TRADD: variants seen among roughly 807,000 people sequenced by gnomAD.
TRADD encodes TNFRSF1A associated via death domain, also known as tumor necrosis factor receptor type 1-associated DEATH domain protein.
In TRADD, 14 loss-of-function variants were observed where a neutral mutation model predicts 31.5. The ratio of observed to expected loss-of-function variants is 0.44; its 90% confidence interval spans 0.29 to 0.69. TRADD has a LOEUF of 0.69. TRADD is among the 30% of genes least tolerant of loss of function. The pLI, the probability that TRADD is intolerant of heterozygous loss-of-function variation, is 0.11. For missense variants in TRADD, 388 were observed against 435.7 expected (o/e 0.89, Z 0.97); for synonymous variants, 220 against 215.8 (o/e 1.02, Z -0.17).
In TRADD at chr16:67,155,204, C is replaced by T; in HGVS notation, c.520G>A (p.Glu174Lys). 6.3e-7 allele frequency: 1 copy of T among 1,589,430 alleles called. No homozygotes were observed. The highest frequency in any genetic ancestry group is 8.5e-7 in the Non-Finnish European group (1 of 1,170,062). Residue 174 changes from glutamate (E) to lysine (K), a missense_variant, in exon 4 of 5, where the codon GAG (glutamate) becomes AAG (lysine). Glu to Lys is a moderately conservative substitution (Grantham distance 56). Transcript: ENST00000345057. ...GGCTGCAAGGGGGCCGAAGCGACCT[C>T]CCCGTCGCCACCCCGGGCCCCCGAG... Reference protein sequence around the residue: ...CGSGARGGDGEVASAPLQPPV... With the variant: ...CGSGARGGDGKVASAPLQPPV...
chr16:67,155,207 C>T lies in TRADD; in HGVS notation c.517G>A (p.Gly173Arg), dbSNP rs2030630126. The change falls in exon 4 of 5, where the codon GGG (glycine) becomes AGG (arginine). Residue 173 changes from glycine (G) to arginine (R), a missense_variant. Transcript: ENST00000345057. ...KCGSGARGGD[G>R]EVASAPLQPP... is the part of the protein sequence containing the mutation. ...TGCAAGGGGGCCGAAGCGACCTCCCCGTCGCCACCCCGGGCCCCCGAGCCG... is the reference window on the plus strand; with the variant it reads ...TGCAAGGGGGCCGAAGCGACCTCCCTGTCGCCACCCCGGGCCCCCGAGCCG... The T allele has an allele frequency of 3.1e-6, 5 of 1,590,880 alleles. No homozygotes were observed. The highest frequency in any genetic ancestry group is 2.3e-5 in the East Asian group (1 of 43,282).
Position 67,155,613 on chromosome 16 carries a change from G to A in TRADD, c.193C>T (p.His65Tyr). Residue 65 changes from histidine to tyrosine, a missense_variant, in exon 3 of 5, where the codon CAC becomes TAC. His to Tyr is a moderately conservative substitution (Grantham distance 83). Transcript: ENST00000345057. ...SPDVLQMLKI[H>Y]RSDPQLIVQL... is the part of the protein sequence containing the mutation. ...ACGATCAGCTGCGGGTCGCTGCGGT[G>A]GATCTTCAGCATCTGCAGCACGTCC... 6.4e-7 allele frequency: 1 copy of A among 1,557,358 alleles called. No homozygotes were observed. The highest frequency in any genetic ancestry group is 8.6e-7 in the Non-Finnish European group (1 of 1,158,434).
Position 67,155,475 on chromosome 16 carries a change from A to G in TRADD, c.331T>C (p.Ser111Pro), listed in dbSNP as rs758175107. 6.3e-7 allele frequency: 1 copy of G among 1,583,634 alleles called. No homozygotes were observed. The highest frequency in any genetic ancestry group is 1.7e-5 in the Admixed American group (1 of 58,158). The change falls in exon 3 of 5, where the codon TCG (serine) becomes CCG (proline). Residue 111 changes from serine to proline, a missense_variant. Ser to Pro is a moderately conservative substitution (Grantham distance 74). Coordinates refer to ENST00000345057, the MANE Select transcript of TRADD (RefSeq NM_003789.4). ...RSLAAALAQH[S>P]VPLQLELRAG... is the part of the protein sequence containing the mutation. Reference sequence around the variant, plus strand: ...CGCAGCTCCAGTTGCAGCGGCACCGAGTGCTGGGCGAGCGCGGCCGCCAGG... The same window carrying G: ...CGCAGCTCCAGTTGCAGCGGCACCGGGTGCTGGGCGAGCGCGGCCGCCAGG...
At position 67,156,354 on chromosome 16, in the gene TRADD, C is replaced by G; in HGVS notation, c.151+156G>C. The G allele has an allele frequency of 2.4e-6, 3 of 1,272,754 alleles. No homozygotes were observed. Among genetic ancestry groups the G allele is most frequent in the Non-Finnish European group, 3.3e-6 (3 of 913,534 alleles). 78.8% of individuals were successfully genotyped at this position (1,272,754 alleles called of 1,614,324 possible). A position where few individuals can be genotyped will look rare whatever the true frequency, so the allele number is the denominator to read the frequency against. ...GAGAACACACGCCTATCCTCAAGGTCATGCCACAAGCAAAGAAGAGAGTCT... is the reference window on the plus strand; with the variant it reads ...GAGAACACACGCCTATCCTCAAGGTGATGCCACAAGCAAAGAAGAGAGTCT... On this transcript the variant is annotated intron_variant, in intron 2 of 4. Transcript: ENST00000345057. The surrounding 1 kb of genome is among the most constrained non-coding windows in gnomAD (Gnocchi z 4.6).
chr16:67,155,947 A>G, intron 2 of TRADD: 4 of 1,470,816 alleles, frequency 2.7e-6, no homozygotes, highest in Non-Finnish European at 3.6e-6. Flanking sequence ...GAAGCACAGA[A>G]AAGGGGGCGT....
chr16:67,155,881 C>T, intron 2 of TRADD: 1 of 1,518,794 alleles, frequency 6.6e-7, no homozygotes, highest in Non-Finnish European at 8.8e-7. Context: ...AGAGTGGGTG[C>T]CACCTAACCC....
Position 67,156,636 on chromosome 16 carries a change from C to T in TRADD, c.25G>A (p.Glu9Lys). Reference protein sequence around the residue: MAAGQNGHEEWVGSAYLFV... With the variant: MAAGQNGHKEWVGSAYLFV... ...AGGTATGCGCTGCCCACCCACTCTT[C>T]GTGCCCATTTTGCCCAGCTGCCATC... is the stretch of plus-strand genomic sequence containing the variant. Residue 9 changes from glutamate to lysine, a missense_variant, in exon 2 of 5, where the codon GAA becomes AAA. Transcript: ENST00000345057. This position sits in a 1 kb window ranked among gnomAD's most constrained non-coding sequence, Gnocchi z 4.6. 3.7e-6 allele frequency: 6 copies of T among 1,614,110 alleles called. No homozygotes were observed. The highest frequency in any genetic ancestry group is 5.1e-6 in the Non-Finnish European group (6 of 1,180,030).
chr16:67,156,358 C>T lies in TRADD; in HGVS notation c.151+152G>A. The T allele has an allele frequency of 7.7e-7, 1 of 1,295,986 alleles. No individual in the cohort carries two copies. The highest frequency in any genetic ancestry group is 1.1e-6 in the Non-Finnish European group (1 of 933,536). 80.3% of individuals were successfully genotyped at this position (1,295,986 alleles called of 1,614,324 possible). A position where few individuals can be genotyped will look rare whatever the true frequency, so the allele number is the denominator to read the frequency against. On this transcript the variant is annotated intron_variant, in intron 2 of 4. Coordinates refer to ENST00000345057, the MANE Select transcript of TRADD (RefSeq NM_003789.4). The surrounding 1 kb of genome is among the most constrained non-coding windows in gnomAD (Gnocchi z 4.6). The stretch of plus-strand genomic sequence containing the variant: ...ACACACGCCTATCCTCAAGGTCATG[C>T]CACAAGCAAAGAAGAGAGTCTGCAC...
intron 1 of TRADD, among the ~76,000 whole-genome samples, chr16:67,158,131 T>C (rs1163675296): frequency 1.3e-5 from 2 of 152,168 alleles, no homozygotes; most frequent in African/African-American, 4.8e-5. Context: ...GTGCTGCGAT[T>C]ACAGGAGTAA....
intron 2 of TRADD, 142 bp from the exon 3 acceptor site, chr16:67,155,796 G>C: frequency 1.4e-6 from 2 of 1,465,900 alleles, no homozygotes; most frequent in Non-Finnish European, 1.8e-6. Flanking sequence ...TACCCAGCTG[G>C]GAAGCAAAAT....
chr16:67,157,150 A>G (rs895705494), intron 1 of TRADD, among the ~76,000 whole-genome samples: 3 of 152,062 alleles, frequency 2.0e-5, no homozygotes, highest in African/African-American at 7.3e-5. Context: ...CCTAAGACTA[A>G]ACCTCCTGTC....
In TRADD at chr16:67,159,612, G is replaced by T. The variant is rs577143509; in HGVS notation, c.-9+226C>A. Among the ~76,000 whole-genome samples the T allele has an allele frequency of 1.3e-5, 2 of 152,284 alleles. No homozygotes were observed. Among genetic ancestry groups the T allele is most frequent in the East Asian group, 3.9e-4 (2 of 5,156 alleles). On this transcript the variant is annotated intron_variant, in intron 1 of 4. Transcript: ENST00000345057. The surrounding 1 kb of genome is among the most constrained non-coding windows in gnomAD (Gnocchi z 6.8). ...TCTCCCCCACCCTCTCTCCTGCAGG[G>T]CCCTACTGCACCTCGAAAGTGCTGG...
rs926387621 is a variant in TRADD at position 67,156,051 on chromosome 16, C to T, written c.152-397G>A. On this transcript the variant is annotated intron_variant, in intron 2 of 4. Coordinates refer to ENST00000345057, the MANE Select transcript of TRADD (RefSeq NM_003789.4). The surrounding 1 kb of genome is among the most constrained non-coding windows in gnomAD (Gnocchi z 4.6). ...CTTCGGCCTCCACCAAGCGCGACTC[C>T]CACTGCTCGGGAAGAAGAGGGGCTC... The T allele has an allele frequency of 1.8e-5, 25 of 1,359,042 alleles. No homozygotes were observed. Among genetic ancestry groups the T allele is most frequent in the Non-Finnish European group, 2.4e-5 (25 of 1,035,402 alleles). The allele number at this position is 1,359,042 out of a possible 1,614,324, so 84.2% of individuals were successfully genotyped here. A position where few individuals can be genotyped will look rare whatever the true frequency, so the allele number is the denominator to read the frequency against.
chr16:67,155,010 T>TGCCCCCCC, intron 4 of TRADD, 51 bp from the exon 5 acceptor site: 5 of 1,499,628 alleles, frequency 3.3e-6, no homozygotes, highest in South Asian at 1.2e-5. Flanking sequence ...CCAGCGCCGG[T>TGCCCCCCC]CCCACCCATC....
chr16:67,156,733 C>T lies in TRADD; in HGVS notation c.-8-65G>A. ...TCCCTCCACCCTGGAGACAACTACCCAGCCCCACGTGGTTCAGCTGTCCCC... is the reference window on the plus strand; with the variant it reads ...TCCCTCCACCCTGGAGACAACTACCTAGCCCCACGTGGTTCAGCTGTCCCC... On this transcript the variant is annotated intron_variant, in intron 1 of 4. Coordinates refer to ENST00000345057, the MANE Select transcript of TRADD (RefSeq NM_003789.4). The surrounding 1 kb of genome is among the most constrained non-coding windows in gnomAD (Gnocchi z 4.6). The T allele has an allele frequency of 6.2e-7, 1 of 1,602,550 alleles. No individual in the cohort carries two copies. The highest frequency in any genetic ancestry group is 8.5e-7 in the Non-Finnish European group (1 of 1,176,674).
Position 67,156,159 on chromosome 16 carries a change from T to A in TRADD, c.151+351A>T. The A allele has an allele frequency of 7.3e-7, 1 of 1,373,844 alleles. No individual in the cohort carries two copies. The highest frequency in any genetic ancestry group is 1.2e-5 in the South Asian group (1 of 81,782). The allele number at this position is 1,373,844 out of a possible 1,614,324, so 85.1% of individuals were successfully genotyped here. On this transcript the variant is annotated intron_variant, in intron 2 of 4. Transcript: ENST00000345057. This position sits in a 1 kb window ranked among gnomAD's most constrained non-coding sequence, Gnocchi z 4.6. ...TGCCCTGAGATGGGAAAGGGGGGCC[T>A]GGAAGGGTAGGTACTGGGGAGGGGT...
At chr16:67,157,428 CA>C (rs1358492764) in intron 1 of TRADD, among the ~76,000 whole-genome samples, 1 of 152,204 alleles carries the variant, frequency 6.6e-6, no homozygotes, top group East Asian at 1.9e-4. Flanking sequence ...AGGAAAGAGG[CA>C]CTACTTTCCC....
chr16:67,156,121 C>T lies in TRADD; in HGVS notation c.151+389G>A. ...AACAGATCCCCCAACCCGCTTCAGC[C>T]TCCTGTGGCCTCTGCCCTGAGATGG... On this transcript the variant is annotated intron_variant, in intron 2 of 4. Transcript: ENST00000345057. This position sits in a 1 kb window ranked among gnomAD's most constrained non-coding sequence, Gnocchi z 4.6. 7.4e-7 allele frequency: 1 copy of T among 1,352,836 alleles called. No individual in the cohort carries two copies. The highest frequency in any genetic ancestry group is 9.7e-7 in the Non-Finnish European group (1 of 1,031,228). The allele number at this position is 1,352,836 out of a possible 1,614,324, so 83.8% of individuals were successfully genotyped here. A position where few individuals can be genotyped will look rare whatever the true frequency, so the allele number is the denominator to read the frequency against.
chr16:67,154,811 C>T lies in TRADD; in HGVS notation c.777G>A (p.Glu259=). ...LDSLAYEYER[E]GLYEQAFQLL... Reference sequence around the variant, plus strand: ...GCTGGAAGGCCTGCTCGTACAGTCCCTCGCGCTCGTACTCGTAGGCCAGCG... The same window carrying T: ...GCTGGAAGGCCTGCTCGTACAGTCCTTCGCGCTCGTACTCGTAGGCCAGCG... The change falls in exon 5 of 5, where the codon GAG becomes GAA. Residue 259 remains glutamate, a synonymous_variant. Transcript: ENST00000345057. The surrounding 1 kb of genome is among the most constrained non-coding windows in gnomAD (Gnocchi z 5.2). 6.3e-7 allele frequency: 1 copy of T among 1,594,162 alleles called. No individual in the cohort carries two copies. Among genetic ancestry groups the T allele is most frequent in the Non-Finnish European group, 8.5e-7 (1 of 1,171,514 alleles).
Sources: gnomAD v4.1 joint callset for allele counts (sites outside exome capture counted in the v4.1 genomes callset) on GRCh38, gnomAD v4.1.1 for gene constraint, Gnocchi (gnomAD v3.1) non-coding constraint, MANE v1.5 for transcripts, NCBI Gene and HGNC (gene_info 2026-07-23, HGNC 2026-07-21) for gene names.